The following RNLS variants were observed in gnomAD, a reference collection of about 807,000 sequenced individuals.
RNLS encodes renalase.
RNLS carries 39 observed loss-of-function variants against 39.8 expected under a neutral mutation model. That is an observed-to-expected ratio of 0.98 (90% CI 0.76 to 1.28). The LOEUF is 1.28. RNLS is among the 50% of genes most tolerant of loss of function. The pLI, the probability that RNLS is intolerant of heterozygous loss-of-function variation, is 0.00. For synonymous variants in RNLS, 147 were observed against 150.7 expected (o/e 0.98, Z 0.18); for missense variants, 410 against 413.3 (o/e 0.99, Z 0.07).
At chr10:88,489,886 C>T (rs1205716079) in intron 4 of RNLS, among the ~76,000 whole-genome samples, 1 of 152,160 alleles carries the variant, frequency 6.6e-6, no homozygotes, top group Non-Finnish European at 1.5e-5. Flanking sequence ...CTGGCCTTGA[C>T]TGAACCCCTA....
At chr10:88,202,271 G>A in the RNLS span, among the ~76,000 whole-genome samples, 2 of 137,682 alleles carry the variant, frequency 1.5e-5, no homozygotes, top group Non-Finnish European at 3.1e-5. Context: ...ACACAGGAAG[G>A]GGAACATCAC....
chr10:88,350,341 A>G (rs1447864226), intron 5 of RNLS, among the ~76,000 whole-genome samples: 1 of 151,662 alleles, frequency 6.6e-6, no homozygotes, highest in Non-Finnish European at 1.5e-5. Context: ...ATTAACTCAT[A>G]ATTTACATTC....
intron 3 of RNLS, among the ~76,000 whole-genome samples, chr10:88,577,238 T>C (rs376450496): frequency 6.6e-6 from 1 of 152,210 alleles, no homozygotes; most frequent in African/African-American, 2.4e-5. Context: ...ATGTGTCTAC[T>C]GACACGTAGC....
the RNLS span, among the ~76,000 whole-genome samples, chr10:88,268,000 G>A: frequency 6.6e-6 from 1 of 152,174 alleles, no homozygotes; most frequent in Non-Finnish European, 1.5e-5. Flanking sequence ...TAAACAGAAA[G>A]GTTCTGTGAA....
chr10:88,393,441 A>G (rs1042701611), intron 4 of RNLS, among the ~76,000 whole-genome samples: 1 of 152,138 alleles, frequency 6.6e-6, no homozygotes, highest in Admixed American at 6.6e-5. Flanking sequence ...TCCCATTCAC[A>G]ATTGCTTCAA....
intron 4 of RNLS, among the ~76,000 whole-genome samples, chr10:88,559,182 TC>T (rs1297603324): frequency 9.2e-5 from 14 of 152,320 alleles, no homozygotes; most frequent in African/African-American, 3.4e-4. Flanking sequence ...TAGTATTTTA[TC>T]ATTATATTCT....
intron 4 of RNLS, among the ~76,000 whole-genome samples, chr10:88,364,906 TA>T (rs1007262207): frequency 2.0e-5 from 3 of 152,108 alleles, no homozygotes; most frequent in Admixed American, 2.0e-4. Context: ...ATTTTTTAAA[TA>T]AAAAAACAAA....
At chr10:88,174,231 G>A in the RNLS span, among the ~76,000 whole-genome samples, 1 of 151,852 alleles carries the variant, frequency 6.6e-6, no homozygotes, top group Non-Finnish European at 1.5e-5. Context: ...CAATTTGAAT[G>A]CTCTTCATTT....
chr10:88,320,553 A>G (rs1307664343), intron 5 of RNLS, among the ~76,000 whole-genome samples: 6 of 149,474 alleles, frequency 4.0e-5, no homozygotes, highest in Admixed American at 2.7e-4. Flanking sequence ...CAAGAGACCA[A>G]TGTCACACAT....
At chr10:88,190,801 A>G in the RNLS span, among the ~76,000 whole-genome samples, 1 of 152,138 alleles carries the variant, frequency 6.6e-6, no homozygotes, top group Admixed American at 6.5e-5. Context: ...GTCTGAAACA[A>G]TCATCTCAGA....
At chr10:88,205,276 G>A in the RNLS span, among the ~76,000 whole-genome samples, 3 of 152,052 alleles carry the variant, frequency 2.0e-5, no homozygotes, top group Non-Finnish European at 4.4e-5. Context: ...TCTGTGGTGG[G>A]TGATATGTTT....
At chr10:88,487,119 G>T (rs1844575615) in intron 4 of RNLS, among the ~76,000 whole-genome samples, 1 of 152,114 alleles carries the variant, frequency 6.6e-6, no homozygotes, top group Non-Finnish European at 1.5e-5. Context: ...ACCAAATACT[G>T]CATGTTCTCA....
intron 4 of RNLS, among the ~76,000 whole-genome samples, chr10:88,493,734 C>T (rs1316554739): frequency 1.3e-5 from 2 of 152,038 alleles, no homozygotes; most frequent in Non-Finnish European, 2.9e-5. Flanking sequence ...TTTGCTTTTT[C>T]ACTGTAAGGT....
intron 5 of RNLS, among the ~76,000 whole-genome samples, chr10:88,337,649 G>A (rs544976406): frequency 6.6e-6 from 1 of 152,222 alleles, no homozygotes; most frequent in Non-Finnish European, 1.5e-5. Flanking sequence ...GCAGAAAGTA[G>A]AGTCAAGAAA....
At chr10:88,265,760 T>C in the RNLS span, among the ~76,000 whole-genome samples, 1 of 152,208 alleles carries the variant, frequency 6.6e-6, no homozygotes, top group African/African-American at 2.4e-5. Flanking sequence ...GGAGAAGTCT[T>C]CTTTAGAGTG....
At chr10:88,481,253 T>A (rs900084040) in intron 4 of RNLS, among the ~76,000 whole-genome samples, 1 of 152,222 alleles carries the variant, frequency 6.6e-6, no homozygotes, top group Non-Finnish European at 1.5e-5. Flanking sequence ...TCTTGCTTTT[T>A]AAAATCCAGT....
intron 4 of RNLS, among the ~76,000 whole-genome samples, chr10:88,515,459 C>T (rs972568203): frequency 6.6e-6 from 1 of 152,030 alleles, no homozygotes; most frequent in African/African-American, 2.4e-5. Flanking sequence ...TTTCTCCTGA[C>T]TAATTGCTAC....
intron 4 of RNLS, among the ~76,000 whole-genome samples, chr10:88,411,433 T>C (rs1021782210): frequency 2.0e-5 from 3 of 152,154 alleles, no homozygotes; most frequent in African/African-American, 7.2e-5. Context: ...TTCTGTTTCA[T>C]ACTGCCTTCA....
At chr10:88,443,702 G>A (rs1246693134) in intron 4 of RNLS, among the ~76,000 whole-genome samples, 2 of 152,252 alleles carry the variant, frequency 1.3e-5, no homozygotes, top group African/African-American at 2.4e-5. Flanking sequence ...CATGCCCACA[G>A]AGCGTTGCTC....
Sources: allele counts gnomAD v4.1 joint callset (sites outside exome capture counted in the v4.1 genomes callset), GRCh38; gene constraint gnomAD v4.1.1; transcripts MANE v1.5; gene names NCBI Gene and HGNC (gene_info 2026-07-23, HGNC 2026-07-21).